DSCAM: variants seen among roughly 807,000 people sequenced by gnomAD.
The protein encoded by DSCAM is cell adhesion molecule DSCAM.
DSCAM carries 47 observed loss-of-function variants against 217.7 expected under a neutral mutation model. The ratio of observed to expected loss-of-function variants is 0.22; its 90% CI spans 0.17 to 0.28. The LOEUF (loss-of-function observed/expected upper bound fraction) is 0.28, where lower values mean the gene tolerates loss of function less well. Ranked by LOEUF, DSCAM falls within the 10% of genes least tolerant of loss-of-function variation. The probability of loss-of-function intolerance (pLI) is 1.00; values close to 1 mark genes in which losing one functional copy is unlikely to be tolerated. For missense variants in DSCAM, 2,080 were observed against 2,618.3 expected (o/e 0.79, Z 4.49); for synonymous variants, 1,056 against 1,015.3 (o/e 1.04, Z -0.76).
intron 8 of DSCAM, among the ~76,000 whole-genome samples, chr21:40,335,078 CT>C (rs147810051): frequency 4.0e-3 from 604 of 152,232 alleles, no homozygotes; most frequent in African/African-American, 0.014. Context: ...TATCTCTTCC[CT>C]TTACCTAGGA....
At chr21:40,636,677 ATATC>A (rs975427814) in intron 3 of DSCAM, among the ~76,000 whole-genome samples, 10 of 151,530 alleles carry the variant, frequency 6.6e-5, no homozygotes, top group African/African-American at 2.4e-4. Context: ...CTCCACTTCT[ATATC>A]TATAAATTAA....
At chr21:40,278,527 G>C (rs1364862268) in intron 10 of DSCAM, among the ~76,000 whole-genome samples, 1 of 152,114 alleles carries the variant, frequency 6.6e-6, no homozygotes, top group Non-Finnish European at 1.5e-5. Flanking sequence ...GAGACCAGGA[G>C]TTTGAGACTA....
chr21:40,714,315 C>T (rs1401413017), intron 1 of DSCAM, among the ~76,000 whole-genome samples: 1 of 152,146 alleles, frequency 6.6e-6, no homozygotes, highest in African/African-American at 2.4e-5. Context: ...CACATAACAT[C>T]AGCCTGGGAG....
chr21:40,251,354 G>C (rs553978414), intron 11 of DSCAM, among the ~76,000 whole-genome samples: 1 of 150,150 alleles, frequency 6.7e-6, no homozygotes, highest in South Asian at 2.1e-4. Context: ...TTAGCAGAGA[G>C]AAAAAAAAAT....
intron 3 of DSCAM, among the ~76,000 whole-genome samples, chr21:40,421,687 T>C (rs754027078): frequency 6.6e-6 from 1 of 152,210 alleles, no homozygotes. Context: ...TAAACAACAG[T>C]ATTATCAATC....
intron 32 of DSCAM, among the ~76,000 whole-genome samples, chr21:40,029,460 C>T (rs1046704336): frequency 6.6e-6 from 1 of 151,628 alleles, no homozygotes; most frequent in Non-Finnish European, 1.5e-5. Flanking sequence ...AGGCCACTGC[C>T]TGGTGCCAAC....
chr21:40,168,903 T>C (rs2090625539), intron 15 of DSCAM, among the ~76,000 whole-genome samples: 1 of 152,170 alleles, frequency 6.6e-6, no homozygotes, highest in Non-Finnish European at 1.5e-5. Context: ...TGTGACTCCA[T>C]TTCTCTCTAT....
chr21:40,501,793 T>C (rs1001032568), intron 3 of DSCAM, among the ~76,000 whole-genome samples: 1 of 152,188 alleles, frequency 6.6e-6, no homozygotes, highest in East Asian at 1.9e-4. Context: ...GGTTTCACCA[T>C]GTTGGTCAGG....
intron 14 of DSCAM, among the ~76,000 whole-genome samples, chr21:40,180,875 C>A (rs781594510): frequency 1.2e-4 from 18 of 151,974 alleles, no homozygotes; most frequent in Non-Finnish European, 2.9e-5. Flanking sequence ...TGGGGACAGT[C>A]CCCTCTTGGT....
rs1223306697 is a variant in DSCAM, at chr21:40,708,539, A to G, written c.276T>C (p.Ser92=). Residue 92 remains serine (S), a synonymous_variant, in exon 2 of 33, where the codon AGT becomes AGC. Transcript: ENST00000400454. The part of the protein sequence containing the change: ...QIFPFPPSSF[S]TLIHDNTYYC... ...AATAAGTATTATCATGGATTAAGGT[A>G]CTGAAGCTTGAAGGAGGGAAGGGGA... 6.3e-7 allele frequency: 1 copy of G among 1,591,866 alleles called. No homozygotes were observed. Among genetic ancestry groups the G allele is most frequent in the Non-Finnish European group, 8.6e-7 (1 of 1,167,432 alleles).
rs202152176 is a variant in DSCAM at position 40,494,652 on chromosome 21, TA to T, written c.509-125408del. Among the ~76,000 whole-genome samples the T allele has an allele frequency of 2.8e-3, 406 of 144,836 alleles. 3 individuals are homozygous for T. Among genetic ancestry groups the T allele is most frequent in the African/African-American group, 9.0e-3 (355 of 39,484 alleles). ...GTTTTTAACAAAAAAACTTTTAAAT[TA>T]AAAAAAAAAGATGATTTCAAATAAC... On this transcript the variant is annotated intron_variant, in intron 3 of 32. Transcript: ENST00000400454.
intron 1 of DSCAM, among the ~76,000 whole-genome samples, chr21:40,843,290 C>T (rs1016518168): frequency 6.6e-6 from 1 of 151,984 alleles, no homozygotes; most frequent in African/African-American, 2.4e-5. Flanking sequence ...TCTCCATGAC[C>T]CTCAGGCCCC....
chr21:40,409,478 G>T (rs1276802116), intron 3 of DSCAM, among the ~76,000 whole-genome samples: 3 of 152,184 alleles, frequency 2.0e-5, no homozygotes, highest in African/African-American at 7.2e-5. Context: ...ACGCTGAAGA[G>T]GCCACAGAGC....
At chr21:40,390,932 A>G (rs2075128414) in intron 3 of DSCAM, among the ~76,000 whole-genome samples, 1 of 152,200 alleles carries the variant, frequency 6.6e-6, no homozygotes, top group African/African-American at 2.4e-5. Context: ...TAACATCTCA[A>G]AGCAGCTCAT....
intron 18 of DSCAM, among the ~76,000 whole-genome samples, chr21:40,134,224 A>G (rs2090184416): frequency 6.6e-6 from 1 of 152,180 alleles, no homozygotes; most frequent in Admixed American, 6.5e-5. Flanking sequence ...AAACTGCTCC[A>G]GAACACAAGG....
At chr21:40,398,074 C>G (rs1569103822) in intron 3 of DSCAM, among the ~76,000 whole-genome samples, 1 of 152,196 alleles carries the variant, frequency 6.6e-6, no homozygotes. Flanking sequence ...CACAGTACCT[C>G]ATTAAGGATG....
At chr21:40,500,891 T>G (rs964423305) in intron 3 of DSCAM, among the ~76,000 whole-genome samples, 2 of 152,186 alleles carry the variant, frequency 1.3e-5, no homozygotes, top group African/African-American at 4.8e-5. Context: ...GCCAGCCTCC[T>G]GGGGCTCAGA....
chr21:40,495,573 A>G (rs1018518155), intron 3 of DSCAM, among the ~76,000 whole-genome samples: 1 of 152,216 alleles, frequency 6.6e-6, no homozygotes, highest in African/African-American at 2.4e-5. Flanking sequence ...CAAAGCTAAC[A>G]TTGTACACAA....
intron 3 of DSCAM, among the ~76,000 whole-genome samples, chr21:40,614,526 T>C (rs1026070931): frequency 1.3e-5 from 2 of 152,210 alleles, no homozygotes; most frequent in African/African-American, 4.8e-5. Flanking sequence ...TTATGGAGGA[T>C]AACTGGCCAT....
Sources: gnomAD v4.1 joint callset for allele counts (sites outside exome capture counted in the v4.1 genomes callset) on GRCh38, gnomAD v4.1.1 for gene constraint, MANE v1.5 for transcripts, NCBI Gene and HGNC (gene_info 2026-07-23, HGNC 2026-07-21) for gene names.